Variants in SLIT2 observed in about 807,000 individuals in gnomAD.
SLIT2 encodes slit homolog 2 protein.
Under a neutral mutation model 185.7 loss-of-function variants are expected in SLIT2, and 41 were observed. That is an observed-to-expected ratio of 0.22 (90% confidence interval 0.17 to 0.29). The LOEUF (loss-of-function observed/expected upper bound fraction) is 0.29, where lower values mean the gene tolerates loss of function less well. SLIT2 is among the 10% of genes least tolerant of loss of function. The pLI, the probability that SLIT2 is intolerant of heterozygous loss-of-function variation, is 1.00. For synonymous variants in SLIT2, 693 were observed against 680.2 expected (o/e 1.02, Z -0.29); for missense variants, 1,571 against 1,909.0 (o/e 0.82, Z 3.30).
chr4:20,545,600 C>G (rs1723179056), intron 21 of SLIT2, among the ~76,000 whole-genome samples: 1 of 151,970 alleles, frequency 6.6e-6, no homozygotes, highest in African/African-American at 2.4e-5. Context: ...GCAAATATGC[C>G]TTTAATGTGT....
intron 4 of SLIT2, among the ~76,000 whole-genome samples, chr4:20,284,502 C>T (rs1470647975): frequency 6.6e-6 from 1 of 152,124 alleles, no homozygotes; most frequent in East Asian, 1.9e-4. Flanking sequence ...AACAAAGGAA[C>T]CATGGAATCA....
At chr4:20,504,187 C>T (rs757901588) in intron 9 of SLIT2, among the ~76,000 whole-genome samples, 3 of 152,106 alleles carry the variant, frequency 2.0e-5, no homozygotes, top group Non-Finnish European at 4.4e-5. Flanking sequence ...ATATTGTCTT[C>T]CTCCTTTTCA....
chr4:20,577,233 A>G (rs1174882747), intron 29 of SLIT2, among the ~76,000 whole-genome samples: 1 of 152,216 alleles, frequency 6.6e-6, no homozygotes, highest in Non-Finnish European at 1.5e-5. Flanking sequence ...TTGTAAGTAA[A>G]GAAAAACACT....
At chr4:20,417,985 A>C (rs1407653219) in intron 4 of SLIT2, among the ~76,000 whole-genome samples, 1 of 152,086 alleles carries the variant, frequency 6.6e-6, no homozygotes, top group Non-Finnish European at 1.5e-5. Flanking sequence ...AATTTTCAGC[A>C]CTTTCCACTG....
intron 4 of SLIT2, among the ~76,000 whole-genome samples, chr4:20,294,384 ATGT>A (rs1336248639): frequency 1.3e-5 from 2 of 152,030 alleles, no homozygotes; most frequent in Admixed American, 6.6e-5. Flanking sequence ...CATAATAAAA[ATGT>A]TGTGCTGGGC....
chr4:20,282,635 T>G (rs530114856), intron 4 of SLIT2, among the ~76,000 whole-genome samples: 4 of 152,238 alleles, frequency 2.6e-5, no homozygotes, highest in Non-Finnish European at 5.9e-5. Flanking sequence ...TCATATCACC[T>G]GTGGTGGCTA....
At position 20,350,431 on chromosome 4, in the gene SLIT2, C is replaced by T. The variant is rs532873616; in HGVS notation, c.395+81550C>T. ...CAATAATGTTTCAATCTCTCAAGTCCATGTGTGAGATATAGTGAATCATTG... is the reference window on the plus strand; with the variant it reads ...CAATAATGTTTCAATCTCTCAAGTCTATGTGTGAGATATAGTGAATCATTG... On this transcript the variant is annotated intron_variant, in intron 4 of 36. Transcript: ENST00000504154. Among the ~76,000 whole-genome samples, 16 of 151,992 alleles carry T rather than the reference C, an allele frequency of 1.1e-4. No homozygotes were observed. The East Asian group carries it at 2.9e-3, about 28-fold the overall frequency.
intron 4 of SLIT2, among the ~76,000 whole-genome samples, chr4:20,273,409 T>C (rs985317610): frequency 9.9e-5 from 15 of 152,230 alleles, no homozygotes; most frequent in Non-Finnish European, 1.8e-4. Context: ...TTTTTTTTAA[T>C]GTCCCCAGGG....
At position 20,617,708 on chromosome 4, in the gene SLIT2, C is replaced by CTT. The variant is rs1729787605; in HGVS notation, c.4348+60_4348+61dup. 6 of 671,652 alleles carry CTT rather than the reference C, an allele frequency of 8.9e-6. No individual in the cohort carries two copies. In the East Asian group the frequency reaches 2.0e-4, roughly 22 times the overall value. 41.6% of individuals were successfully genotyped at this position (671,652 alleles called of 1,614,324 possible). On this transcript the variant is annotated intron_variant, in intron 36 of 36. Transcript: ENST00000504154. The stretch of plus-strand genomic sequence containing the variant: ...TGGCAAAGCAAGAGGGGTCCCATGT[C>CTT]TTTGAAAAGAGAGGGAGAAAAAGTG...
chr4:20,358,928 G>A (rs751108090), intron 4 of SLIT2, among the ~76,000 whole-genome samples: 4 of 152,044 alleles, frequency 2.6e-5, no homozygotes, highest in Non-Finnish European at 4.4e-5. Flanking sequence ...CAAAGTTTCT[G>A]TAAAATTCGG....
At chr4:20,430,618 A>C (rs944853866) in intron 4 of SLIT2, among the ~76,000 whole-genome samples, 2 of 152,214 alleles carry the variant, frequency 1.3e-5, no homozygotes, top group South Asian at 4.1e-4. Flanking sequence ...CAAGTTACTT[A>C]CCTATTTATT....
At position 20,563,143 on chromosome 4, in the gene SLIT2, C is replaced by A. The variant is rs1035144267; in HGVS notation, c.2726-4119C>A. On this transcript the variant is annotated intron_variant, in intron 26 of 36. Coordinates refer to ENST00000504154, the MANE Select transcript of SLIT2 (RefSeq NM_004787.4). ...CAGATTGTTAACCAAACTTTCTTCT[C>A]ATTTTCTCTTTGAATTATTAAGCTA... Among the ~76,000 whole-genome samples, 3 of 151,832 alleles carry A rather than the reference C, an allele frequency of 2.0e-5. No homozygotes were observed. The East Asian group carries it at 5.8e-4, about 29-fold the overall frequency.
At chr4:20,492,988 A>T (rs1299907249) in intron 9 of SLIT2, among the ~76,000 whole-genome samples, 1 of 152,198 alleles carries the variant, frequency 6.6e-6, no homozygotes, top group Non-Finnish European at 1.5e-5. Context: ...ACACTGAATA[A>T]CATATAAACA....
At chr4:20,569,078 A>G (rs1267816858) in intron 29 of SLIT2, 74 bp downstream of exon 29, 14 of 1,249,976 alleles carry the variant, frequency 1.1e-5, no homozygotes, top group Non-Finnish European at 1.5e-5. Context: ...TATGTTATAT[A>G]TGTTTAGTAA....
chr4:20,501,741 C>T (rs1205323483), intron 9 of SLIT2, among the ~76,000 whole-genome samples: 3 of 152,128 alleles, frequency 2.0e-5, no homozygotes, highest in Admixed American at 6.5e-5. Context: ...ATTGAGTTCA[C>T]TATTAATCAT....
intron 4 of SLIT2, among the ~76,000 whole-genome samples, chr4:20,455,358 G>T (rs576029907): frequency 1.3e-5 from 2 of 152,074 alleles, no homozygotes; most frequent in African/African-American, 4.8e-5. Context: ...TCTAAAAAGG[G>T]TTGAGACATC....
chr4:20,613,535 C>G (rs1388755072), intron 34 of SLIT2, among the ~76,000 whole-genome samples: 1 of 151,974 alleles, frequency 6.6e-6, no homozygotes, highest in Non-Finnish European at 1.5e-5. Flanking sequence ...GGGAGAGGAC[C>G]AGGAAAAATC....
chr4:20,529,714 A>G (rs1721613315), intron 16 of SLIT2, among the ~76,000 whole-genome samples: 1 of 152,218 alleles, frequency 6.6e-6, no homozygotes, highest in South Asian at 2.1e-4. Flanking sequence ...GAGCACTTAC[A>G]GATTCTATGC....
At chr4:20,351,135 G>A (rs1235881952) in intron 4 of SLIT2, among the ~76,000 whole-genome samples, 2 of 150,526 alleles carry the variant, frequency 1.3e-5, no homozygotes, top group South Asian at 2.1e-4. Context: ...TGCAACCTCC[G>A]CCTCCTGGGT....
Sources: allele counts gnomAD v4.1 joint callset (sites outside exome capture counted in the v4.1 genomes callset), GRCh38; gene constraint gnomAD v4.1.1; transcripts MANE v1.5; gene names NCBI Gene and HGNC (gene_info 2026-07-23, HGNC 2026-07-21).